The following MIA2 variants were observed in gnomAD, a reference collection of about 807,000 sequenced individuals.
MIA2 encodes MIA SH3 domain ER export factor 2.
A neutral mutation model predicts 167.8 loss-of-function variants in MIA2; 127 were observed. The observed-to-expected ratio is 0.76, with a 90% CI of 0.66 to 0.88. MIA2 has a LOEUF of 0.88. Ranked by LOEUF, MIA2 falls within the 40% of genes least tolerant of loss-of-function variation. The probability of loss-of-function intolerance (pLI) is 0.00; values close to 1 mark genes in which losing one functional copy is unlikely to be tolerated. For missense variants in MIA2, 1,690 were observed against 1,624.7 expected (o/e 1.04, Z -0.69); for synonymous variants, 552 against 541.9 (o/e 1.02, Z -0.26).
intron 23 of MIA2, among the ~76,000 whole-genome samples, chr14:39,382,300 C>A (rs980695943): frequency 6.6e-6 from 1 of 152,312 alleles, no homozygotes; most frequent in South Asian, 2.1e-4. Flanking sequence ...AAAGACAGCC[C>A]AAGCTGGTAC....
At chr14:39,348,268 C>G (rs899827534) in intron 27 of MIA2, among the ~76,000 whole-genome samples, 1 of 152,090 alleles carries the variant, frequency 6.6e-6, no homozygotes, top group Non-Finnish European at 1.5e-5. Context: ...TAGATGGTAA[C>G]CTATGGTGAT....
intron 6 of MIA2, among the ~76,000 whole-genome samples, chr14:39,271,952 G>T (rs1286959601): frequency 6.6e-6 from 1 of 152,156 alleles, no homozygotes; most frequent in Non-Finnish European, 1.5e-5. Context: ...GGCTGGGTCT[G>T]CGGCCTTTTG....
chr14:39,256,475 G>A (rs1305453269), intron 6 of MIA2, among the ~76,000 whole-genome samples: 1 of 151,878 alleles, frequency 6.6e-6, no homozygotes, highest in Non-Finnish European at 1.5e-5. Flanking sequence ...GCTTTGTAAT[G>A]TTCAAGTACT....
intron 17 of MIA2, among the ~76,000 whole-genome samples, chr14:39,306,465 C>T (rs2063357608): frequency 6.6e-6 from 1 of 152,000 alleles, no homozygotes; most frequent in African/African-American, 2.4e-5. Flanking sequence ...ACAACCAGAT[C>T]TCATGAGAAC....
chr14:39,351,389 A>AC (rs2074372087), downstream of MIA2: 1 of 148,730 alleles, frequency 6.7e-6, no homozygotes, highest in Admixed American at 6.6e-5. Flanking sequence ...AAAAAAAAAA[A>AC]ACAAAAAACA....
At chr14:39,351,173 A>G (rs1295407974), downstream of MIA2, 4 of 152,152 alleles carry the variant, frequency 2.6e-5, no homozygotes, top group Non-Finnish European at 5.9e-5. Context: ...AAGCATAACT[A>G]ATAAACATCA....
chr14:39,312,642 T>TG (rs1229282738), intron 18 of MIA2, among the ~76,000 whole-genome samples: 1 of 152,214 alleles, frequency 6.6e-6, no homozygotes, highest in Non-Finnish European at 1.5e-5. Flanking sequence ...TCACTGCTTA[T>TG]GAGCTCTAGG....
intron 2 of MIA2, among the ~76,000 whole-genome samples, chr14:39,238,811 A>AAC: frequency 9.7e-6 from 1 of 103,608 alleles, no homozygotes; most frequent in Non-Finnish European, 1.9e-5. Context: ...AAAAAAAAAA[A>AAC]CCCAAAAAAC....
At chr14:39,277,121 A>T (rs931342414) in intron 7 of MIA2, 56 bp downstream of exon 7, 57 of 1,538,266 alleles carry the variant, frequency 3.7e-5, no homozygotes, top group Non-Finnish European at 4.7e-5. Context: ...GGCTGAACAA[A>T]TAATATGAGA....
intron 23 of MIA2, among the ~76,000 whole-genome samples, chr14:39,358,025 T>C (rs1038780499): frequency 2.0e-5 from 3 of 152,204 alleles, no homozygotes; most frequent in Non-Finnish European, 4.4e-5. Flanking sequence ...CTGACAATTA[T>C]GTGTCTTGGA....
intron 25 of MIA2, 122 bp from the exon 26 acceptor site, chr14:39,345,782 C>T: frequency 1.4e-6 from 1 of 723,946 alleles, no homozygotes; most frequent in South Asian, 2.5e-5. Context: ...TGTTGTCAAC[C>T]AAGAAGATGA....
chr14:39,302,066 A>G (rs2062604154), intron 14 of MIA2, 63 bp from the exon 15 acceptor site: 3 of 1,531,768 alleles, frequency 2.0e-6, no homozygotes, highest in African/African-American at 2.8e-5. Flanking sequence ...TACATTCACA[A>G]GTTGTAAAGC....
intron 6 of MIA2, among the ~76,000 whole-genome samples, chr14:39,272,715 A>T (rs185707628): frequency 1.3e-5 from 2 of 152,282 alleles, no homozygotes; most frequent in Admixed American, 1.3e-4. Flanking sequence ...GTGAGCCAAG[A>T]TCGCACCACT....
intron 26 of MIA2, chr14:39,347,478 G>A (rs1202325600): frequency 4.0e-6 from 2 of 499,768 alleles, no homozygotes; most frequent in African/African-American, 2.0e-5. Context: ...GCTCCAGCAG[G>A]ATTGCTTAGG....
intron 21 of MIA2, among the ~76,000 whole-genome samples, chr14:39,316,022 T>C (rs992131726): frequency 6.6e-6 from 1 of 152,218 alleles, no homozygotes; most frequent in Non-Finnish European, 1.5e-5. Flanking sequence ...TGCCACTAAT[T>C]AGTTGTGGAC....
Position 39,350,255 on chromosome 14 carries a change from A to C in MIA2, c.4230A>C (p.Gln1410His). The C allele has an allele frequency of 6.8e-7, 1 of 1,466,360 alleles. No homozygotes were observed. Among genetic ancestry groups the C allele is most frequent in the Non-Finnish European group, 9.1e-7 (1 of 1,104,012 alleles). 90.8% of individuals were successfully genotyped at this position (1,466,360 alleles called of 1,614,324 possible). Reference protein sequence around the residue: ...EPATEHPEPQQET With the variant: ...EPATEHPEPQHET ...CTACTGAACATCCAGAACCACAGCA[A>C]GAAACCTGACAATATTTTTGCTCTC... Residue 1410 changes from glutamine to histidine, a missense_variant, in exon 29 of 29, where the codon CAA (glutamine) becomes CAC (histidine). Coordinates refer to ENST00000640607, the MANE Select transcript of MIA2 (RefSeq NM_001329214.4).
At chr14:39,251,991 T>C (rs1452301007) in intron 4 of MIA2, among the ~76,000 whole-genome samples, 2 of 152,314 alleles carry the variant, frequency 1.3e-5, no homozygotes, top group Non-Finnish European at 2.9e-5. Flanking sequence ...ATACTATATA[T>C]GTACATATAT....
At chr14:39,332,678 T>C (rs2069192424) in intron 25 of MIA2, among the ~76,000 whole-genome samples, 1 of 152,018 alleles carries the variant, frequency 6.6e-6, no homozygotes, top group Non-Finnish European at 1.5e-5. Flanking sequence ...GGGGAGGAAA[T>C]TTCCTGAACG....
At chr14:39,323,629 A>C (rs1396244382) in intron 24 of MIA2, among the ~76,000 whole-genome samples, 4 of 152,150 alleles carry the variant, frequency 2.6e-5, no homozygotes, top group Non-Finnish European at 5.9e-5. Context: ...ATTTAATCTT[A>C]ATTAGCATTA....
Sources: gnomAD v4.1 joint callset for allele counts (sites outside exome capture counted in the v4.1 genomes callset) on GRCh38, gnomAD v4.1.1 for gene constraint, MANE v1.5 for transcripts, NCBI Gene and HGNC (gene_info 2026-07-23, HGNC 2026-07-21) for gene names.